RYR2: variants seen among roughly 807,000 people sequenced by gnomAD.
The protein encoded by RYR2 is ryanodine receptor 2, also known as cardiac muscle ryanodine receptor-calcium release channel.
Under a neutral mutation model 601.1 loss-of-function variants are expected in RYR2, and 227 were observed. The ratio of observed to expected loss-of-function variants is 0.38; its 90% CI spans 0.34 to 0.42. RYR2 has a LOEUF of 0.42. Ranked by LOEUF, RYR2 falls within the 10% of genes least tolerant of loss-of-function variation. The pLI, the probability that RYR2 is intolerant of heterozygous loss-of-function variation, is 1.00. For missense variants in RYR2, 4,646 were observed against 6,156.5 expected (o/e 0.75, Z 8.21); for synonymous variants, 2,223 against 2,175.1 (o/e 1.02, Z -0.61).
At position 237,801,743 on chromosome 1, in the gene RYR2, A is replaced by G. The variant is rs2790347; in HGVS notation, c.14091-113A>G. The G allele has an allele frequency of 0.42, 235,834 of 565,690 alleles. 51,300 individuals carry two copies. Among genetic ancestry groups the G allele is most frequent in the East Asian group, 0.64 (22,856 of 35,596 alleles). The allele number at this position is 565,690 out of a possible 1,614,324, so 35.0% of individuals were successfully genotyped here. A position where few individuals can be genotyped will look rare whatever the true frequency, so the allele number is the denominator to read the frequency against. On this transcript the variant is annotated intron_variant, in intron 97 of 104. Coordinates refer to ENST00000366574, the MANE Select transcript of RYR2 (RefSeq NM_001035.3). ...GCATCTGGGATAGAACTCGTTTCCC[A>G]AGAAGGTGTCCAAGTCTTGTCCCAT...
chr1:237,556,050 A>C (rs560118035), intron 27 of RYR2, among the ~76,000 whole-genome samples: 3 of 152,270 alleles, frequency 2.0e-5, no homozygotes, highest in Admixed American at 2.0e-4. Flanking sequence ...TAAAATGTTA[A>C]GAAGTTATTC....
intron 2 of RYR2, among the ~76,000 whole-genome samples, chr1:237,320,013 C>A (rs1695478282): frequency 6.6e-6 from 1 of 152,182 alleles, no homozygotes; most frequent in African/African-American, 2.4e-5. Context: ...AGAACCTCCA[C>A]ATTAGTCGAG....
intron 1 of RYR2, among the ~76,000 whole-genome samples, chr1:237,241,090 A>G (rs1686112476): frequency 6.6e-6 from 1 of 152,226 alleles, no homozygotes; most frequent in Non-Finnish European, 1.5e-5. Flanking sequence ...TTAATTAGAA[A>G]TGCAGGCTGC....
chr1:237,317,550 A>G (rs1695228703), intron 2 of RYR2, among the ~76,000 whole-genome samples: 1 of 152,104 alleles, frequency 6.6e-6, no homozygotes, highest in African/African-American at 2.4e-5. Flanking sequence ...CATCCCTGCT[A>G]CACTCATTTA....
intron 97 of RYR2, among the ~76,000 whole-genome samples, chr1:237,799,407 T>TA (rs985217406): frequency 2.0e-5 from 3 of 151,958 alleles, no homozygotes; most frequent in African/African-American, 7.3e-5. Flanking sequence ...TTTGTGACTC[T>TA]AAAAAAAAGT....
intron 3 of RYR2, among the ~76,000 whole-genome samples, chr1:237,344,234 C>CG (rs1215850612): frequency 2.0e-5 from 3 of 152,126 alleles, no homozygotes; most frequent in African/African-American, 7.2e-5. Flanking sequence ...GGCGTTTTGC[C>CG]GGGGGCTGCC....
intron 71 of RYR2, among the ~76,000 whole-genome samples, chr1:237,716,877 C>T (rs1045167890): frequency 5.9e-5 from 9 of 151,960 alleles, no homozygotes; most frequent in Non-Finnish European, 4.4e-5. Context: ...AATTAGAAAG[C>T]ACACAATATC....
intron 2 of RYR2, among the ~76,000 whole-genome samples, chr1:237,274,780 T>A (rs1000403307): frequency 5.3e-5 from 8 of 152,156 alleles, no homozygotes; most frequent in African/African-American, 1.9e-4. Context: ...ACCTTTTATA[T>A]CACATTTTTA....
intron 1 of RYR2, among the ~76,000 whole-genome samples, chr1:237,228,240 C>G (rs1439013833): frequency 1.3e-5 from 2 of 152,132 alleles, no homozygotes; most frequent in East Asian, 3.9e-4. Flanking sequence ...CTTTTTTATT[C>G]CTGAGTTACT....
intron 35 of RYR2, among the ~76,000 whole-genome samples, chr1:237,605,091 A>G (rs1351132119): frequency 6.6e-6 from 1 of 152,202 alleles, no homozygotes; most frequent in Non-Finnish European, 1.5e-5. Flanking sequence ...CATCATCCTG[A>G]TACCAAAGCC....
intron 46 of RYR2, 115 bp downstream of exon 46, chr1:237,639,316 C>T (rs996311615): frequency 1.2e-5 from 12 of 1,020,442 alleles, no homozygotes; most frequent in Non-Finnish European, 1.6e-5. Context: ...GAAGATTTCT[C>T]CCTTTGAAAA....
chr1:237,069,818 A>T (rs1257449769), intron 1 of RYR2, among the ~76,000 whole-genome samples: 1 of 152,168 alleles, frequency 6.6e-6, no homozygotes, highest in African/African-American at 2.4e-5. Flanking sequence ...ATTGGTTTTC[A>T]CGTTAATACT....
At chr1:237,742,179 A>G (rs1403057647) in intron 79 of RYR2, 117 bp from the exon 80 acceptor site, 2 of 699,124 alleles carry the variant, frequency 2.9e-6, no homozygotes, top group Non-Finnish European at 4.9e-6. Context: ...ATGTGTTTAA[A>G]CAAGGTTGAT....
In RYR2 at chr1:237,259,545, A is replaced by AG. The variant is rs766014069; in HGVS notation, c.49-10952_49-10951insG. Among the ~76,000 whole-genome samples the AG allele has an allele frequency of 7.5e-3, 491 of 65,620 alleles. 3 individuals are homozygous for AG. Among genetic ancestry groups the AG allele is most frequent in the African/African-American group, 0.012 (222 of 18,772 alleles). The allele number at this position is 65,620 out of a possible 152,430, so 43.0% of individuals were successfully genotyped here. On this transcript the variant is annotated intron_variant, in intron 1 of 104. Transcript: ENST00000366574. Reference sequence around the variant, plus strand: ...TAGACCATTTAAAAAAAAAAAAAAAAAAGAGAGACTACCGTCACCTTGTAT... The same window carrying AG: ...TAGACCATTTAAAAAAAAAAAAAAAAGAAGAGAGACTACCGTCACCTTGTAT...
chr1:237,659,725 A>C (rs149126405), intron 54 of RYR2, among the ~76,000 whole-genome samples: 39 of 152,344 alleles, frequency 2.6e-4, no homozygotes, highest in African/African-American at 8.9e-4. Context: ...GACTTGTTCC[A>C]GATGATTACT....
intron 14 of RYR2, among the ~76,000 whole-genome samples, chr1:237,447,962 C>T (rs1318257477): frequency 6.6e-6 from 1 of 150,860 alleles, no homozygotes; most frequent in Non-Finnish European, 1.5e-5. Flanking sequence ...CACTCTCATT[C>T]TGTCGCCCAG....
At chr1:237,513,276 C>T (rs1349674573) in intron 24 of RYR2, among the ~76,000 whole-genome samples, 1 of 152,182 alleles carries the variant, frequency 6.6e-6, no homozygotes, top group Non-Finnish European at 1.5e-5. Flanking sequence ...TAACTTTACT[C>T]TTGTCCTCCT....
intron 20 of RYR2, among the ~76,000 whole-genome samples, chr1:237,499,339 TA>T (rs1223148260): frequency 6.6e-6 from 1 of 152,136 alleles, no homozygotes; most frequent in African/African-American, 2.4e-5. Context: ...ACCAAAAGTA[TA>T]AAAAAATCTT....
chr1:237,268,655 C>T (rs1295547389), intron 1 of RYR2, among the ~76,000 whole-genome samples: 2 of 151,928 alleles, frequency 1.3e-5, no homozygotes, highest in Admixed American at 6.6e-5. Flanking sequence ...AAGGCAAATA[C>T]AGCCGGGTGC....
Sources: gnomAD v4.1 joint callset for allele counts (sites outside exome capture counted in the v4.1 genomes callset) on GRCh38, gnomAD v4.1.1 for gene constraint, MANE v1.5 for transcripts, NCBI Gene and HGNC (gene_info 2026-07-23, HGNC 2026-07-21) for gene names.